VPS8: variants seen among roughly 807,000 people sequenced by gnomAD.
VPS8 encodes vacuolar protein sorting-associated protein 8 homolog.
A neutral mutation model predicts 216.4 loss-of-function variants in VPS8; 129 were observed. The observed-to-expected ratio is 0.60, with a 90% CI of 0.52 to 0.69. The LOEUF (loss-of-function observed/expected upper bound fraction) is 0.69. VPS8 is among the 30% of genes least tolerant of loss of function. VPS8 has a pLI of 0.00. For missense variants in VPS8, 1,531 were observed against 1,683.5 expected (o/e 0.91, Z 1.59); for synonymous variants, 571 against 565.4 (o/e 1.01, Z -0.14).
intron 46 of VPS8, among the ~76,000 whole-genome samples, chr3:185,032,868 C>T (rs984327147): frequency 1.3e-5 from 2 of 152,088 alleles, no homozygotes; most frequent in Non-Finnish European, 2.9e-5. Context: ...GGGGTTTCAC[C>T]GAGTTAGCCA....
At position 184,832,940 on chromosome 3, in the gene VPS8, G is replaced by A. The variant is rs1248199680; in HGVS notation, c.353+121G>A. 4.0e-6 allele frequency: 5 copies of A among 1,238,058 alleles called. No homozygotes were observed. In the East Asian group the frequency reaches 8.1e-5, roughly 20 times the overall value. 76.7% of individuals were successfully genotyped at this position (1,238,058 alleles called of 1,614,324 possible). ...GAAGCCTTGCATGGGAAGTAGAAGG[G>A]ATATAATATCTTGAAAATTTTGGTA... is the stretch of plus-strand genomic sequence containing the variant. On this transcript the variant is annotated intron_variant, in intron 4 of 47. Coordinates refer to ENST00000625842, the MANE Select transcript of VPS8 (RefSeq NM_001009921.3).
intron 25 of VPS8, among the ~76,000 whole-genome samples, chr3:184,909,344 G>A (rs1348936986): frequency 6.6e-6 from 1 of 152,194 alleles, no homozygotes; most frequent in Non-Finnish European, 1.5e-5. Flanking sequence ...CAATTTGACA[G>A]TTTTTACCAG....
chr3:184,881,825 T>C (rs139954052), intron 21 of VPS8, among the ~76,000 whole-genome samples: 444 of 152,214 alleles, frequency 2.9e-3, no homozygotes, highest in African/African-American at 0.01. Context: ...GTTTTTTAGA[T>C]TTACGCCTAA....
At chr3:185,014,699 C>T (rs756428670) in intron 45 of VPS8, among the ~76,000 whole-genome samples, 3 of 152,122 alleles carry the variant, frequency 2.0e-5, no homozygotes, top group Non-Finnish European at 4.4e-5. Context: ...GTTTCTCCCC[C>T]CTTTTTTGTT....
At chr3:185,025,017 A>G (rs1004246360) in intron 46 of VPS8, among the ~76,000 whole-genome samples, 1 of 152,170 alleles carries the variant, frequency 6.6e-6, no homozygotes, top group Admixed American at 6.5e-5. Flanking sequence ...AAAGAAAAAG[A>G]AAAAGAAAAA....
At chr3:184,986,208 AAAGAAAG>A (rs1751046251) in intron 42 of VPS8, among the ~76,000 whole-genome samples, 1 of 152,170 alleles carries the variant, frequency 6.6e-6, no homozygotes, top group Non-Finnish European at 1.5e-5. Flanking sequence ...GAAATCAAGG[AAAGAAAG>A]GAGGTAGGAT....
intron 40 of VPS8, 124 bp downstream of exon 40, chr3:184,971,876 A>T: frequency 1.5e-6 from 1 of 668,210 alleles, no homozygotes. Flanking sequence ...GGAGTTTGAG[A>T]CCAGCCTGAC....
intron 5 of VPS8, among the ~76,000 whole-genome samples, chr3:184,835,709 CTT>C (rs34896906): frequency 7.1e-5 from 9 of 126,750 alleles, no homozygotes; most frequent in Non-Finnish European, 6.6e-5. Flanking sequence ...TTGGATTTTT[CTT>C]TTTTTTTTTT....
At chr3:184,884,590 C>T (rs887730639) in intron 21 of VPS8, among the ~76,000 whole-genome samples, 7 of 152,282 alleles carry the variant, frequency 4.6e-5, no homozygotes, top group Non-Finnish European at 7.4e-5. Context: ...GACAGACAAA[C>T]TTCCTTGTCA....
At chr3:184,838,832 A>T (rs892710360) in intron 6 of VPS8, 86 bp downstream of exon 6, 1 of 1,038,744 alleles carries the variant, frequency 9.6e-7, no homozygotes, top group Non-Finnish European at 1.4e-6. Flanking sequence ...AAAATACTAC[A>T]TAAGTTGTTA....
chr3:184,905,877 A>T (rs969575211), intron 25 of VPS8, among the ~76,000 whole-genome samples: 4 of 152,112 alleles, frequency 2.6e-5, no homozygotes, highest in East Asian at 1.9e-4. Context: ...AAATATTTTT[A>T]AAAATCATAC....
At chr3:184,913,896 G>T (rs1457532770) in intron 26 of VPS8, among the ~76,000 whole-genome samples, 1 of 152,246 alleles carries the variant, frequency 6.6e-6, no homozygotes, top group Non-Finnish European at 1.5e-5. Context: ...TAGGGCTGAG[G>T]TTGAGAAACC....
intron 36 of VPS8, among the ~76,000 whole-genome samples, chr3:184,956,842 C>G (rs1036165391): frequency 1.3e-5 from 2 of 152,060 alleles, no homozygotes; most frequent in African/African-American, 4.8e-5. Context: ...AAAATTAGTC[C>G]TCACTATGTG....
At chr3:185,032,981 G>C (rs778385551) in intron 46 of VPS8, among the ~76,000 whole-genome samples, 5 of 152,002 alleles carry the variant, frequency 3.3e-5, no homozygotes, top group Non-Finnish European at 7.4e-5. Flanking sequence ...TATTTTTTAA[G>C]AGTACCGTAG....
rs1714389148 is a variant in VPS8 at position 185,052,133 on chromosome 3, A to G, written c.*108A>G. ...CTCCACCACCTCCCACGCTTCTGAG[A>G]AGAGGTTCCAAATTGGGCTTCTGTG... On this transcript the variant is annotated 3_prime_UTR_variant, in exon 48 of 48. Transcript: ENST00000625842. 2 of 1,305,938 alleles carry G rather than the reference A, an allele frequency of 1.5e-6. No homozygotes were observed. The highest frequency in any genetic ancestry group is 3.0e-5 in the African/African-American group (2 of 66,576). 80.9% of individuals were successfully genotyped at this position (1,305,938 alleles called of 1,614,324 possible). A position where few individuals can be genotyped will look rare whatever the true frequency, so the allele number is the denominator to read the frequency against.
At chr3:184,925,772 ATTTTT>A (rs769693262) in intron 30 of VPS8, among the ~76,000 whole-genome samples, 1 of 121,520 alleles carries the variant, frequency 8.2e-6, no homozygotes. Flanking sequence ...TTCTCTCTCT[ATTTTT>A]TTTTTTTTTT....
At chr3:184,982,768 G>A (rs1424517915) in intron 41 of VPS8, 121 bp downstream of exon 41, 46 of 853,192 alleles carry the variant, frequency 5.4e-5, no homozygotes, top group Non-Finnish European at 6.9e-5. Context: ...TTTCCTTAAT[G>A]AAACCATATA....
chr3:184,901,980 C>G (rs1734571955), intron 25 of VPS8, among the ~76,000 whole-genome samples: 1 of 152,104 alleles, frequency 6.6e-6, no homozygotes, highest in Non-Finnish European at 1.5e-5. Flanking sequence ...AAACTTTGGC[C>G]ATTCTAATGA....
intron 45 of VPS8, among the ~76,000 whole-genome samples, chr3:185,012,389 T>C (rs1755149168): frequency 6.7e-6 from 1 of 148,294 alleles, no homozygotes; most frequent in South Asian, 2.1e-4. Context: ...ATACAACATA[T>C]ATAGAATATA....
Sources: allele counts gnomAD v4.1 joint callset (sites outside exome capture counted in the v4.1 genomes callset), GRCh38; gene constraint gnomAD v4.1.1; transcripts MANE v1.5; gene names NCBI Gene and HGNC (gene_info 2026-07-23, HGNC 2026-07-21).